Variants in RALYL observed in about 807,000 individuals in gnomAD.
The protein encoded by RALYL is RNA-binding Raly-like protein.
RALYL carries 29 observed loss-of-function variants against 35.1 expected under a neutral mutation model. The observed-to-expected ratio is 0.83, with a 90% confidence interval of 0.61 to 1.13. The LOEUF is 1.13. Among genes scored for constraint, RALYL ranks in the 50% most tolerant of loss-of-function variants. The pLI, the probability that RALYL is intolerant of heterozygous loss-of-function variation, is 0.00. For synonymous variants in RALYL, 120 were observed against 127.6 expected (o/e 0.94, Z 0.40); for missense variants, 359 against 360.4 (o/e 1.00, Z 0.03).
chr8:84,577,904 T>G (rs1199936810), intron 2 of RALYL, among the ~76,000 whole-genome samples: 2 of 152,192 alleles, frequency 1.3e-5, no homozygotes, highest in Non-Finnish European at 2.9e-5. Context: ...CTTAACTTAA[T>G]AAAATAAAGT....
chr8:84,661,812 T>A (rs1830981918), intron 2 of RALYL, among the ~76,000 whole-genome samples: 1 of 152,026 alleles, frequency 6.6e-6, no homozygotes, highest in South Asian at 2.1e-4. Flanking sequence ...GGTTATTTAT[T>A]TCTTCTTCTT....
At chr8:84,303,007 T>C (rs1250001658) in intron 1 of RALYL, among the ~76,000 whole-genome samples, 1 of 152,214 alleles carries the variant, frequency 6.6e-6, no homozygotes, top group Non-Finnish European at 1.5e-5. Context: ...AGAATTTTAA[T>C]ATTGATGTTA....
intron 2 of RALYL, among the ~76,000 whole-genome samples, chr8:84,586,300 G>A (rs925400124): frequency 2.6e-5 from 4 of 152,170 alleles, no homozygotes; most frequent in Admixed American, 2.6e-4. Context: ...CTAAATGCAA[G>A]CTTCAAAAGA....
chr8:84,402,690 A>C (rs2043034749), intron 1 of RALYL, among the ~76,000 whole-genome samples: 1 of 152,146 alleles, frequency 6.6e-6, no homozygotes, highest in South Asian at 2.1e-4. Context: ...GACCATTTCC[A>C]ATCCTTACCT....
In RALYL at chr8:84,873,349, T is replaced by A. The variant is rs368589219; in HGVS notation, c.637T>A (p.Leu213Met). 49 of 1,602,396 alleles carry A rather than the reference T, an allele frequency of 3.1e-5. No individual in the cohort carries two copies. In the Middle Eastern group the frequency reaches 3.5e-3, roughly 113 times the overall value. The stretch of plus-strand genomic sequence containing the variant: ...CCAGATCAAAACTAAAATTGACTCC[T>A]TGCTAGGGCGCCTGGAGAAGATTGA... ...LTQIKTKIDS[L>M]LGRLEKIEKQ... The change falls in exon 7 of 9, where the codon TTG (leucine) becomes ATG (methionine). Residue 213 changes from leucine (L) to methionine (M), a missense_variant. Physicochemically the swap from Leu to Met is conservative, Grantham distance 15. Coordinates refer to ENST00000521268, the MANE Select transcript of RALYL (RefSeq NM_173848.7).
At chr8:84,518,064 A>G (rs555524127) in intron 1 of RALYL, among the ~76,000 whole-genome samples, 45 of 152,308 alleles carry the variant, frequency 3.0e-4, no homozygotes, top group Non-Finnish European at 5.1e-4. Flanking sequence ...AAAATCTTCT[A>G]TGTTATACTA....
chr8:84,527,785 G>A (rs10504804), intron 1 of RALYL, among the ~76,000 whole-genome samples: 4,377 of 152,114 alleles, frequency 0.029, 219 homozygotes, highest in African/African-American at 0.099. Flanking sequence ...TCAATACAAG[G>A]CAGTGTTATA....
intron 2 of RALYL, among the ~76,000 whole-genome samples, chr8:84,716,631 G>T (rs1383638332): frequency 6.6e-6 from 1 of 151,952 alleles, no homozygotes; most frequent in Non-Finnish European, 1.5e-5. Context: ...TTGATAAATG[G>T]GTCCAAACTC....
chr8:84,487,864 A>C (rs764022076), intron 1 of RALYL, among the ~76,000 whole-genome samples: 3 of 152,080 alleles, frequency 2.0e-5, no homozygotes, highest in Non-Finnish European at 4.4e-5. Context: ...AAATTGATCT[A>C]GTTTGGCCAG....
chr8:84,305,391 A>C (rs1441865960), intron 1 of RALYL, among the ~76,000 whole-genome samples: 1 of 152,214 alleles, frequency 6.6e-6, no homozygotes, highest in Non-Finnish European at 1.5e-5. Flanking sequence ...ATAAGAAACA[A>C]TATGTTCAGG....
intron 2 of RALYL, among the ~76,000 whole-genome samples, chr8:84,688,976 C>A (rs1418958967): frequency 6.6e-6 from 1 of 151,814 alleles, no homozygotes; most frequent in Non-Finnish European, 1.5e-5. Context: ...ATTTCAACAT[C>A]GCTAACTATC....
At chr8:84,680,990 C>T (rs1189608438) in intron 2 of RALYL, among the ~76,000 whole-genome samples, 2 of 151,954 alleles carry the variant, frequency 1.3e-5, no homozygotes, top group Non-Finnish European at 2.9e-5. Flanking sequence ...TTAGGTCTAA[C>T]ATTTAAGTCT....
At chr8:84,658,014 C>A (rs184066040) in intron 2 of RALYL, among the ~76,000 whole-genome samples, 106 of 152,242 alleles carry the variant, frequency 7.0e-4, no homozygotes, top group African/African-American at 2.5e-3. Flanking sequence ...GAGTTCCCAG[C>A]AATAACAGGA....
At chr8:84,913,040 G>GTAGGTAGGTAGATAGGTAGATAGATAGA (rs372305617) in intron 8 of RALYL, among the ~76,000 whole-genome samples, 1 of 130,060 alleles carries the variant, frequency 7.7e-6, no homozygotes, top group Admixed American at 7.6e-5. Context: ...GGATAGGTAG[G>GTAGGTAGGTAGATAGGTAGATAGATAGA]TAGATAGATA....
intron 2 of RALYL, among the ~76,000 whole-genome samples, chr8:84,677,080 A>G (rs1247145979): frequency 2.0e-5 from 3 of 152,136 alleles, no homozygotes; most frequent in Non-Finnish European, 4.4e-5. Flanking sequence ...GATTACAGGC[A>G]TGAGCCACCC....
intron 2 of RALYL, among the ~76,000 whole-genome samples, chr8:84,660,450 T>A (rs1374750908): frequency 6.6e-6 from 1 of 152,042 alleles, no homozygotes; most frequent in Non-Finnish European, 1.5e-5. Flanking sequence ...GGTATTTATT[T>A]TGCTTTTTAA....
chr8:84,565,803 T>TA (rs1455929155), intron 2 of RALYL, among the ~76,000 whole-genome samples: 1 of 151,702 alleles, frequency 6.6e-6, no homozygotes, highest in Admixed American at 6.6e-5. Context: ...CTGAATAATT[T>TA]ACGTAACTTT....
chr8:84,480,914 A>G (rs1422356750), intron 1 of RALYL, among the ~76,000 whole-genome samples: 1 of 152,036 alleles, frequency 6.6e-6, no homozygotes, highest in Non-Finnish European at 1.5e-5. Context: ...ATATTCAGAG[A>G]AAAAAAAGTC....
intron 1 of RALYL, among the ~76,000 whole-genome samples, chr8:84,426,434 CTCTCTGTGTGTG>C (rs978656772): frequency 1.5e-4 from 10 of 64,744 alleles, no homozygotes; most frequent in African/African-American, 4.0e-4. Context: ...TTCTCTCTCT[CTCTCTGTGTGTG>C]TGTGTGTGTG....
Sources: allele counts gnomAD v4.1 joint callset (sites outside exome capture counted in the v4.1 genomes callset), GRCh38; gene constraint gnomAD v4.1.1; transcripts MANE v1.5; gene names NCBI Gene and HGNC (gene_info 2026-07-23, HGNC 2026-07-21).